The following XKR9 variants were observed in gnomAD, a reference collection of about 807,000 sequenced individuals.
The protein encoded by XKR9 is XK-related protein 9.
XKR9 carries 32 observed loss-of-function variants against 32.0 expected under a neutral mutation model. The observed-to-expected ratio is 1.00, with a 90% CI of 0.76 to 1.34. The LOEUF is 1.34. Among genes scored for constraint, XKR9 ranks in the 40% most tolerant of loss-of-function variants. The pLI, the probability that XKR9 is intolerant of heterozygous loss-of-function variation, is 0.00. For missense variants in XKR9, 546 were observed against 429.7 expected (o/e 1.27, Z -2.39); for synonymous variants, 168 against 143.4 (o/e 1.17, Z -1.22).
At chr8:70,752,259 T>C (rs922409333) in intron 2 of XKR9, among the ~76,000 whole-genome samples, 2 of 152,222 alleles carry the variant, frequency 1.3e-5, no homozygotes, top group African/African-American at 4.8e-5. Context: ...AAAATTTCGA[T>C]GAAGTCTGTT....
chr8:70,848,121 G>T, the XKR9 span, among the ~76,000 whole-genome samples: 3 of 152,138 alleles, frequency 2.0e-5, no homozygotes, highest in East Asian at 5.8e-4. Flanking sequence ...CATTCACCAT[G>T]ATCAAGTGGG....
Position 70,785,357 on chromosome 8 carries a change from C to A in XKR9, n.353-3982C>A, listed in dbSNP as rs554718992. ...TTCTGTGATATCAGTTGTAATGTCT[C>A]CTCTTTCATTTCTGATTTTATTTAT... is the stretch of plus-strand genomic sequence containing the variant. On this transcript the variant is annotated intron_variant and non_coding_transcript_variant, in intron 2 of 3. Transcript: ENST00000520273. Among the ~76,000 whole-genome samples, 3 of 151,994 alleles carry A rather than the reference C, an allele frequency of 2.0e-5. No individual in the cohort carries two copies. The East Asian group carries it at 5.8e-4, about 29-fold the overall frequency.
the XKR9 span, among the ~76,000 whole-genome samples, chr8:70,810,287 G>C: frequency 6.6e-6 from 1 of 152,176 alleles, no homozygotes; most frequent in Non-Finnish European, 1.5e-5. Context: ...GCTCCTGAAG[G>C]AAGCACTAAA....
the XKR9 span, among the ~76,000 whole-genome samples, chr8:70,885,253 T>C: frequency 6.6e-6 from 1 of 152,202 alleles, no homozygotes; most frequent in Admixed American, 6.5e-5. Context: ...GGTTGGTTCA[T>C]TCCTTTTTAT....
chr8:70,710,704 AAACAAC>A (rs3085684), intron 4 of XKR9, among the ~76,000 whole-genome samples: 2 of 138,354 alleles, frequency 1.4e-5, no homozygotes, highest in Non-Finnish European at 1.6e-5. Flanking sequence ...ACTCCATCTC[AAACAAC>A]AACAACAACA....
the XKR9 span, among the ~76,000 whole-genome samples, chr8:70,931,190 G>A: frequency 6.6e-6 from 1 of 151,256 alleles, no homozygotes; most frequent in Non-Finnish European, 1.5e-5. Flanking sequence ...TTTAACTACA[G>A]TGAGAAACAA....
At chr8:70,880,192 C>A in the XKR9 span, among the ~76,000 whole-genome samples, 1 of 152,208 alleles carries the variant, frequency 6.6e-6, no homozygotes, top group South Asian at 2.1e-4. Flanking sequence ...AAACTGGAAG[C>A]ATTCCCTTTG....
At chr8:70,889,353 C>A in the XKR9 span, among the ~76,000 whole-genome samples, 1 of 151,444 alleles carries the variant, frequency 6.6e-6, no homozygotes, top group Non-Finnish European at 1.5e-5. Context: ...TTGGTTGGAG[C>A]TTTTTTCCTT....
intron 2 of XKR9, among the ~76,000 whole-genome samples, chr8:70,785,941 A>C (rs940264166): frequency 2.4e-4 from 37 of 151,866 alleles, no homozygotes; most frequent in Non-Finnish European, 4.7e-4. Flanking sequence ...CTTCCACCTC[A>C]GCCTCCAAAA....
At chr8:70,858,759 G>C in the XKR9 span, among the ~76,000 whole-genome samples, 1 of 152,034 alleles carries the variant, frequency 6.6e-6, no homozygotes, top group African/African-American at 2.4e-5. Flanking sequence ...GTGGGGGAAA[G>C]GACAGTCTCT....
intron 4 of XKR9, among the ~76,000 whole-genome samples, chr8:70,731,697 A>G (rs1211782509): frequency 2.6e-5 from 4 of 152,208 alleles, no homozygotes; most frequent in Non-Finnish European, 4.4e-5. Flanking sequence ...ATGGTAATTC[A>G]CAATGGGTGA....
At chr8:70,707,203 C>A in intron 4 of XKR9, 50 bp downstream of exon 4, 2 of 1,410,000 alleles carry the variant, frequency 1.4e-6, no homozygotes, top group Non-Finnish European at 2.0e-6. Flanking sequence ...TGAGACCTTA[C>A]GTCAACTATA....
intron 2 of XKR9, among the ~76,000 whole-genome samples, chr8:70,768,292 G>T (rs1206021901): frequency 6.6e-6 from 1 of 152,150 alleles, no homozygotes; most frequent in East Asian, 1.9e-4. Flanking sequence ...GAGACTGTTT[G>T]TTATGATTTC....
intron 3 of XKR9, among the ~76,000 whole-genome samples, chr8:70,704,206 TAAAC>T (rs568074479): frequency 7.0e-4 from 106 of 151,930 alleles, no homozygotes; most frequent in African/African-American, 2.4e-3. Context: ...TAAAATAAAA[TAAAC>T]AATAAAATAA....
At chr8:70,783,785 T>A (rs1016350820) in intron 2 of XKR9, among the ~76,000 whole-genome samples, 3 of 152,202 alleles carry the variant, frequency 2.0e-5, no homozygotes, top group Non-Finnish European at 4.4e-5. Context: ...ATTTCTCAGA[T>A]CAATGTTTTA....
the XKR9 span, among the ~76,000 whole-genome samples, chr8:70,882,532 TGG>T: frequency 6.6e-6 from 1 of 151,926 alleles, no homozygotes; most frequent in Non-Finnish European, 1.5e-5. Context: ...TTCACTCTTT[TGG>T]TATAGTATGA....
At chr8:71,022,901 T>C in the XKR9 span, among the ~76,000 whole-genome samples, 1 of 152,142 alleles carries the variant, frequency 6.6e-6, no homozygotes, top group Non-Finnish European at 1.5e-5. Context: ...ATTATATTTT[T>C]ATTTTGTTCA....
the XKR9 span, among the ~76,000 whole-genome samples, chr8:70,824,092 C>A: frequency 1.3e-5 from 2 of 152,072 alleles, no homozygotes; most frequent in East Asian, 3.9e-4. Flanking sequence ...AGTGGACTGG[C>A]TTAACTGTAA....
the XKR9 span, among the ~76,000 whole-genome samples, chr8:70,991,588 G>A: frequency 2.6e-5 from 4 of 152,060 alleles, no homozygotes; most frequent in Non-Finnish European, 5.9e-5. Flanking sequence ...TCTTAACAGC[G>A]TGACTCAGGC....
Sources: allele counts gnomAD v4.1 joint callset (sites outside exome capture counted in the v4.1 genomes callset), GRCh38; gene constraint gnomAD v4.1.1; transcripts MANE v1.5; gene names NCBI Gene and HGNC (gene_info 2026-07-23, HGNC 2026-07-21).